Variants in SYT1 observed in about 807,000 individuals in gnomAD.
SYT1 encodes the protein synaptotagmin 1.
A neutral mutation model predicts 44.8 loss-of-function variants in SYT1; 8 were observed. The ratio of observed to expected loss-of-function variants is 0.18; its 90% CI spans 0.10 to 0.32. The LOEUF is 0.32. SYT1 is among the 10% of genes least tolerant of loss of function. SYT1 has a pLI of 1.00. For missense variants in SYT1, 286 were observed against 509.3 expected, an observed-to-expected ratio of 0.56 and a Z score of 4.22; for synonymous variants, 154 against 188.8, an observed-to-expected ratio of 0.82 and a Z score of 1.51.
chr12:79,428,895 G>A (rs1255962239), intron 9 of SYT1, among the ~76,000 whole-genome samples: 3 of 152,140 alleles, frequency 2.0e-5, no homozygotes, highest in African/African-American at 7.2e-5. Flanking sequence ...CTTCTGCTGA[G>A]GACCTCAGGA....
At chr12:79,218,863 C>T (rs1444994026) in intron 4 of SYT1, among the ~76,000 whole-genome samples, 2 of 152,096 alleles carry the variant, frequency 1.3e-5, no homozygotes, top group Non-Finnish European at 2.9e-5. Context: ...GATTTCATTT[C>T]TTTGGATACA....
intron 8 of SYT1, among the ~76,000 whole-genome samples, chr12:79,305,150 TA>T (rs1374241963): frequency 6.6e-6 from 1 of 152,180 alleles, no homozygotes; most frequent in Non-Finnish European, 1.5e-5. Flanking sequence ...CCTTTCTGGT[TA>T]AAAAGACTTT....
chr12:79,412,559 T>C (rs1868497234), intron 9 of SYT1, among the ~76,000 whole-genome samples: 1 of 152,068 alleles, frequency 6.6e-6, no homozygotes. Context: ...CATTCCTGGG[T>C]GGGGGACGGG....
chr12:78,920,023 A>AT (rs11459778), intron 1 of SYT1, among the ~76,000 whole-genome samples: 112,539 of 150,686 alleles, frequency 0.75, 42,488 homozygotes, highest in African/African-American at 0.85. Flanking sequence ...TCATTGGGCT[A>AT]TTTTTTTTTC....
At chr12:79,167,301 A>G (rs1374457100) in intron 3 of SYT1, among the ~76,000 whole-genome samples, 2 of 152,054 alleles carry the variant, frequency 1.3e-5, no homozygotes, top group African/African-American at 4.8e-5. Flanking sequence ...TAAAATTTGC[A>G]TTATAAGCCA....
chr12:78,967,919 CAA>C (rs1332757755), intron 1 of SYT1, among the ~76,000 whole-genome samples: 3 of 151,892 alleles, frequency 2.0e-5, no homozygotes, highest in African/African-American at 7.3e-5. Context: ...AATTTTGAAA[CAA>C]AGAGTGAAAA....
chr12:79,179,478 G>GAGATATAGATATATCTATAT (rs1210655813), intron 3 of SYT1, among the ~76,000 whole-genome samples: 2 of 17,980 alleles, frequency 1.1e-4, no homozygotes, highest in Non-Finnish European at 2.7e-4. Flanking sequence ...TATAGATATA[G>GAGATATAGATATATCTATAT]AGATATAGAT....
At chr12:78,948,756 T>C (rs762597466) in intron 1 of SYT1, among the ~76,000 whole-genome samples, 1 of 151,816 alleles carries the variant, frequency 6.6e-6, no homozygotes, top group Non-Finnish European at 1.5e-5. Context: ...CGTTAGCATT[T>C]TAAGTAGTAT....
intron 4 of SYT1, among the ~76,000 whole-genome samples, chr12:79,239,577 G>A (rs936271267): frequency 6.6e-6 from 1 of 152,116 alleles, no homozygotes; most frequent in African/African-American, 2.4e-5. Flanking sequence ...CAGTCTTAAC[G>A]TTTCTGTAAA....
At chr12:79,447,161 C>A (rs1445374736) in intron 10 of SYT1, among the ~76,000 whole-genome samples, 2 of 152,056 alleles carry the variant, frequency 1.3e-5, no homozygotes, top group African/African-American at 4.8e-5. Flanking sequence ...AAATAATGAG[C>A]ATTCCTTTGA....
intron 3 of SYT1, among the ~76,000 whole-genome samples, chr12:79,075,153 C>G (rs890576234): frequency 3.3e-5 from 5 of 152,190 alleles, no homozygotes; most frequent in African/African-American, 1.2e-4. Context: ...ATTTTACATA[C>G]TGATGCAAAA....
At chr12:79,137,053 A>G (rs1264823955) in intron 3 of SYT1, among the ~76,000 whole-genome samples, 1 of 152,046 alleles carries the variant, frequency 6.6e-6, no homozygotes, top group Non-Finnish European at 1.5e-5. Flanking sequence ...AACATTTATT[A>G]TTCAATAAAT....
At chr12:79,099,832 T>A (rs1387464255) in intron 3 of SYT1, among the ~76,000 whole-genome samples, 8 of 152,136 alleles carry the variant, frequency 5.3e-5, no homozygotes, top group African/African-American at 1.7e-4. Context: ...TTCACATTTT[T>A]CAAAGCACAG....
At position 79,064,932 on chromosome 12, in the gene SYT1, G is replaced by GAAAGAAAA. The variant is rs1555194733; in HGVS notation, c.-18+17577_-18+17578insAAAAGAAA. On this transcript the variant is annotated intron_variant, in intron 3 of 10. Coordinates refer to ENST00000261205, the MANE Select transcript of SYT1 (RefSeq NM_005639.3). ...CTTTAGACAAAAAAATAGAGAGAAA[G>GAAAGAAAA]AAAGAAAGAAAGAAAGAAAGAAAGA... Among the ~76,000 whole-genome samples, 201 of 73,144 alleles carry GAAAGAAAA rather than the reference G, an allele frequency of 2.7e-3. 3 individuals are homozygous for GAAAGAAAA. In the East Asian group the frequency reaches 0.056, roughly 20 times the overall value. 48.0% of individuals were successfully genotyped at this position (73,144 alleles called of 152,430 possible). A position where few individuals can be genotyped will look rare whatever the true frequency, so the allele number is the denominator to read the frequency against.
intron 1 of SYT1, among the ~76,000 whole-genome samples, chr12:78,940,236 A>G (rs1409999503): frequency 6.6e-6 from 1 of 152,040 alleles, no homozygotes; most frequent in African/African-American, 2.4e-5. Context: ...CTCATGGAAG[A>G]TGAGGACAAG....
Position 79,240,178 on chromosome 12 carries a change from C to T in SYT1, c.166+22493C>T, listed in dbSNP as rs540019034. On this transcript the variant is annotated intron_variant, in intron 4 of 10. Coordinates refer to ENST00000261205, the MANE Select transcript of SYT1 (RefSeq NM_005639.3). ...CATCTTATTAATAGAATTCTGCTTA[C>T]CAAAGATTTGGAAAGAGAATGAATG... Among the ~76,000 whole-genome samples the T allele has an allele frequency of 2.6e-5, 4 of 152,102 alleles. No homozygotes were observed. In the East Asian group the frequency reaches 7.7e-4, roughly 29 times the overall value.
At chr12:79,296,500 T>C (rs1879880835) in intron 7 of SYT1, among the ~76,000 whole-genome samples, 1 of 152,134 alleles carries the variant, frequency 6.6e-6, no homozygotes, top group Admixed American at 6.6e-5. Flanking sequence ...ATCTAAAAAG[T>C]GAGATCCCTC....
chr12:79,200,786 G>A (rs1383655333), intron 3 of SYT1, among the ~76,000 whole-genome samples: 1 of 152,134 alleles, frequency 6.6e-6, no homozygotes, highest in Non-Finnish European at 1.5e-5. Context: ...CCAACATAGA[G>A]TTTCTAGCTT....
At chr12:79,009,624 T>C (rs1871298062) in intron 2 of SYT1, among the ~76,000 whole-genome samples, 1 of 152,178 alleles carries the variant, frequency 6.6e-6, no homozygotes, top group African/African-American at 2.4e-5. Flanking sequence ...AGACTGAGGC[T>C]TAGAAAGGTT....
Sources: allele counts gnomAD v4.1 joint callset (sites outside exome capture counted in the v4.1 genomes callset), GRCh38; gene constraint gnomAD v4.1.1; transcripts MANE v1.5; gene names NCBI Gene and HGNC (gene_info 2026-07-23, HGNC 2026-07-21).